The following SGK1 variants were observed in gnomAD, a reference collection of about 807,000 sequenced individuals.
SGK1 encodes serine/threonine-protein kinase Sgk1.
A neutral mutation model predicts 64.2 loss-of-function variants in SGK1; 26 were observed. That is an observed-to-expected ratio of 0.40 (90% CI 0.30 to 0.56). SGK1 has a LOEUF of 0.56. Among genes scored for constraint, SGK1 ranks in the 20% least tolerant of loss-of-function variants. The pLI, the probability that SGK1 is intolerant of heterozygous loss-of-function variation, is 0.38. For synonymous variants in SGK1, 265 were observed against 239.7 expected, an observed-to-expected ratio of 1.11 and a Z score of -0.98; for missense variants, 519 against 645.6, an observed-to-expected ratio of 0.80 and a Z score of 2.12.
At chr6:134,193,041 G>A (rs6920460) in intron 3 of SGK1, among the ~76,000 whole-genome samples, 60,495 of 152,034 alleles carry the variant, frequency 0.4, 13,031 homozygotes, top group East Asian at 0.56. Context: ...CATTTAACCA[G>A]ATAAAACACT....
At chr6:134,282,877 C>A (rs1256296276) in intron 1 of SGK1, among the ~76,000 whole-genome samples, 1 of 151,736 alleles carries the variant, frequency 6.6e-6, no homozygotes, top group African/African-American at 2.4e-5. Context: ...TATATATCAT[C>A]TAATGATTCT....
intron 1 of SGK1, among the ~76,000 whole-genome samples, chr6:134,308,166 A>G (rs1455259835): frequency 6.6e-6 from 1 of 152,198 alleles, no homozygotes; most frequent in Non-Finnish European, 1.5e-5. Context: ...TACAACCTAA[A>G]TAAATACTGG....
chr6:134,235,541 T>TTTAATTTA (rs139727119), intron 2 of SGK1, among the ~76,000 whole-genome samples: 2 of 92,122 alleles, frequency 2.2e-5, no homozygotes, highest in African/African-American at 8.8e-5. Flanking sequence ...AAATAGATAT[T>TTTAATTTA]TTTATTTATT....
intron 2 of SGK1, chr6:134,211,461 G>C (rs1775888820): frequency 6.3e-6 from 1 of 158,408 alleles, no homozygotes; most frequent in Non-Finnish European, 1.4e-5. Flanking sequence ...AGCTCTACAA[G>C]AGCCATTAGT....
chr6:134,307,345 T>C (rs922774278), intron 1 of SGK1, among the ~76,000 whole-genome samples: 1 of 152,260 alleles, frequency 6.6e-6, no homozygotes, highest in Non-Finnish European at 1.5e-5. Context: ...TGGTTGTTTC[T>C]ACGTAACATT....
chr6:134,262,077 G>A lies in SGK1; in HGVS notation c.141C>T (p.Gly47=). The change falls in exon 2 of 14, where the codon GGC becomes GGT. Residue 47 remains glycine (G), a synonymous_variant. Transcript: ENST00000367858. The part of the protein sequence containing the change: ...KHQSPSLKYT[G]SSMVHIPPGE... The stretch of plus-strand genomic sequence containing the variant: ...CTGGAGGGATGTGCACCATGGAGGA[G>A]CCGGTGTACTTCAGGCTGGGACTCT... 1.9e-6 allele frequency: 3 copies of A among 1,613,546 alleles called. No homozygotes were observed. Among genetic ancestry groups the A allele is most frequent in the Non-Finnish European group, 1.7e-6 (2 of 1,179,498 alleles).
intron 1 of SGK1, chr6:134,297,287 G>A (rs558177703): frequency 7.6e-5 from 97 of 1,275,716 alleles, no homozygotes; most frequent in Non-Finnish European, 7.7e-5. Context: ...CCAGCTTGAC[G>A]TTCATCAGCT....
intron 3 of SGK1, among the ~76,000 whole-genome samples, chr6:134,199,569 A>AT (rs1247468714): frequency 6.6e-6 from 1 of 151,144 alleles, no homozygotes; most frequent in East Asian, 1.9e-4. Flanking sequence ...AAAAAAAAAA[A>AT]AAAAAAAAGA....
At chr6:134,285,003 T>C (rs1157020829) in intron 1 of SGK1, among the ~76,000 whole-genome samples, 1 of 152,246 alleles carries the variant, frequency 6.6e-6, no homozygotes, top group Non-Finnish European at 1.5e-5. Flanking sequence ...AATATGCATG[T>C]TCATGTGTCT....
At chr6:134,296,458 G>A (rs974878178) in intron 1 of SGK1, among the ~76,000 whole-genome samples, 5 of 152,076 alleles carry the variant, frequency 3.3e-5, no homozygotes, top group African/African-American at 9.6e-5. Flanking sequence ...TTTTTGTAGA[G>A]ACAGGATCTC....
intron 5 of SGK1, 94 bp from the exon 6 acceptor site, chr6:134,173,660 T>C: frequency 1.2e-6 from 1 of 822,384 alleles, no homozygotes; most frequent in South Asian, 1.8e-5. Context: ...CATCTACAAA[T>C]GACTGATGCA....
chr6:134,237,023 A>C (rs893928712), intron 2 of SGK1, among the ~76,000 whole-genome samples: 1 of 150,652 alleles, frequency 6.6e-6, no homozygotes, highest in Non-Finnish European at 1.5e-5. Context: ...GGGTGAATAC[A>C]TTCCACTTTT....
intron 3 of SGK1, among the ~76,000 whole-genome samples, chr6:134,190,625 C>T (rs1775495721): frequency 6.6e-6 from 1 of 152,114 alleles, no homozygotes; most frequent in South Asian, 2.1e-4. Flanking sequence ...TGTCACTGTT[C>T]TCTTCCCACC....
chr6:134,186,641 G>A (rs1292576848), intron 3 of SGK1, among the ~76,000 whole-genome samples: 1 of 152,178 alleles, frequency 6.6e-6, no homozygotes, highest in Admixed American at 6.5e-5. Context: ...TCAGTTGATT[G>A]TGGTTCTTTA....
At chr6:134,175,648 T>G in intron 3 of SGK1, 2 of 1,523,018 alleles carry the variant, frequency 1.3e-6, no homozygotes, top group African/African-American at 2.8e-5. Flanking sequence ...CAGCGCGCCC[T>G]GCATCTCCCC....
chr6:134,248,028 T>C (rs911403030), intron 2 of SGK1, among the ~76,000 whole-genome samples: 1 of 152,054 alleles, frequency 6.6e-6, no homozygotes, highest in African/African-American at 2.4e-5. Context: ...ACAGCTGTTA[T>C]GATTTCAATT....
At chr6:134,205,734 T>C (rs913064477) in intron 3 of SGK1, among the ~76,000 whole-genome samples, 8 of 152,260 alleles carry the variant, frequency 5.3e-5, no homozygotes, top group African/African-American at 7.2e-5. Context: ...CTCTCCTATT[T>C]CAAGGGATTG....
chr6:134,177,668 A>C (rs373151808), intron 3 of SGK1: 8 of 1,613,788 alleles, frequency 5.0e-6, no homozygotes, highest in Non-Finnish European at 6.8e-6. Context: ...CGAACCTTTC[A>C]AAGGGGGTTT....
chr6:134,229,630 G>A (rs758628287), intron 2 of SGK1, among the ~76,000 whole-genome samples: 3 of 152,222 alleles, frequency 2.0e-5, no homozygotes, highest in Non-Finnish European at 4.4e-5. Flanking sequence ...GAAGTGGCCA[G>A]GGAAGAAAAG....
Sources: allele counts gnomAD v4.1 joint callset (sites outside exome capture counted in the v4.1 genomes callset), GRCh38; gene constraint gnomAD v4.1.1; transcripts MANE v1.5; gene names NCBI Gene and HGNC (gene_info 2026-07-23, HGNC 2026-07-21).